Variants in THSD4 observed in about 807,000 individuals in gnomAD.
The protein encoded by THSD4 is thrombospondin type 1 domain containing 4.
In THSD4, 69 loss-of-function variants were observed where a neutral mutation model predicts 119.0. That is an observed-to-expected ratio of 0.58 (90% CI 0.48 to 0.71). THSD4 has a LOEUF of 0.71. Among genes scored for constraint, THSD4 ranks in the 30% least tolerant of loss-of-function variants. The pLI is 0.00. For synonymous variants in THSD4, 524 were observed against 540.4 expected (o/e 0.97, Z 0.42); for missense variants, 1,393 against 1,391.1 (o/e 1.00, Z -0.02).
chr15:71,397,134 G>T (rs1207351842), intron 6 of THSD4, among the ~76,000 whole-genome samples: 2 of 152,180 alleles, frequency 1.3e-5, no homozygotes, highest in Non-Finnish European at 2.9e-5. Context: ...GTATCAGCTT[G>T]TGCTTTCTAC....
intron 7 of THSD4, among the ~76,000 whole-genome samples, chr15:71,573,585 G>A (rs922342746): frequency 6.6e-6 from 1 of 152,098 alleles, no homozygotes; most frequent in Non-Finnish European, 1.5e-5. Context: ...TGTGAAATAA[G>A]TTAAACACCA....
intron 3 of THSD4, among the ~76,000 whole-genome samples, chr15:71,180,312 A>T (rs540414733): frequency 1.3e-5 from 2 of 152,314 alleles, no homozygotes; most frequent in East Asian, 3.9e-4. Flanking sequence ...GAAGCAGACA[A>T]CATGATTCAT....
At chr15:71,555,102 C>G (rs2048998216) in intron 7 of THSD4, among the ~76,000 whole-genome samples, 1 of 152,130 alleles carries the variant, frequency 6.6e-6, no homozygotes, top group Non-Finnish European at 1.5e-5. Context: ...CTATTTGGGC[C>G]AGGTGCAGTG....
chr15:71,434,582 A>G (rs2046986408), intron 7 of THSD4, among the ~76,000 whole-genome samples: 1 of 151,930 alleles, frequency 6.6e-6, no homozygotes, highest in Non-Finnish European at 1.5e-5. Flanking sequence ...TAGAGGAGAT[A>G]GTTTAGCGTG....
intron 7 of THSD4, among the ~76,000 whole-genome samples, chr15:71,445,500 A>G (rs1333503989): frequency 6.6e-6 from 1 of 152,222 alleles, no homozygotes; most frequent in Admixed American, 6.5e-5. Flanking sequence ...ATCATACCAT[A>G]TGTTCATTCT....
At chr15:71,224,567 C>A (rs1228702854) in intron 4 of THSD4, among the ~76,000 whole-genome samples, 3 of 152,296 alleles carry the variant, frequency 2.0e-5, no homozygotes, top group African/African-American at 7.2e-5. Flanking sequence ...TTGGAAAACT[C>A]ACTACACACT....
chr15:71,737,813 A>G lies in THSD4; in HGVS notation c.1712A>G (p.Glu571Gly). The G allele has an allele frequency of 6.2e-7, 1 of 1,614,228 alleles. No individual in the cohort carries two copies. Among genetic ancestry groups the G allele is most frequent in the Non-Finnish European group, 8.5e-7 (1 of 1,180,036 alleles). ...CAGAAAGGGAGGAACGAGGAGAAGG[A>G]AGACTTGCGTGGGGAGGCCCCTGAG... ...GEQKGRNEEK[E>G]DLRGEAPEMF... The change falls in exon 11 of 18, where the codon GAA becomes GGA. Residue 571 changes from glutamate (E) to glycine (G), a missense_variant. Physicochemically the swap from Glu to Gly is moderately conservative, Grantham distance 98. Coordinates refer to ENST00000261862, the MANE Select transcript of THSD4 (RefSeq NM_024817.3).
chr15:71,324,884 A>G (rs951169310), intron 6 of THSD4, among the ~76,000 whole-genome samples: 7 of 152,184 alleles, frequency 4.6e-5, no homozygotes, highest in Admixed American at 2.0e-4. Flanking sequence ...AGAAATCTCC[A>G]GACTGTTTCC....
At chr15:71,711,400 G>T (rs1042978290) in intron 8 of THSD4, among the ~76,000 whole-genome samples, 4 of 151,834 alleles carry the variant, frequency 2.6e-5, no homozygotes, top group African/African-American at 9.7e-5. Flanking sequence ...GACAAATTAG[G>T]TTTGTATGTT....
At chr15:71,609,335 G>A (rs1479521389) in intron 7 of THSD4, among the ~76,000 whole-genome samples, 2 of 152,184 alleles carry the variant, frequency 1.3e-5, no homozygotes, top group Non-Finnish European at 2.9e-5. Flanking sequence ...ATTTCACTAG[G>A]AGTAAAGTCA....
chr15:71,461,603 TG>T (rs1377440293), intron 7 of THSD4, among the ~76,000 whole-genome samples: 9 of 152,230 alleles, frequency 5.9e-5, no homozygotes, highest in Admixed American at 5.9e-4. Context: ...GTATTAAATA[TG>T]GCTACCAAAC....
At chr15:71,500,769 G>T (rs961694338) in intron 7 of THSD4, among the ~76,000 whole-genome samples, 4 of 152,134 alleles carry the variant, frequency 2.6e-5, no homozygotes, top group African/African-American at 9.7e-5. Flanking sequence ...GCACCCTTGT[G>T]GAAGATCATT....
At chr15:71,636,215 C>T (rs1012260389) in intron 7 of THSD4, among the ~76,000 whole-genome samples, 1 of 152,120 alleles carries the variant, frequency 6.6e-6, no homozygotes, top group African/African-American at 2.4e-5. Context: ...TGGGGTCAGG[C>T]GTTGGAGACC....
At chr15:71,192,115 G>T (rs2043677168) in intron 3 of THSD4, among the ~76,000 whole-genome samples, 1 of 151,858 alleles carries the variant, frequency 6.6e-6, no homozygotes, top group South Asian at 2.1e-4. Flanking sequence ...TGTTGGACAG[G>T]CTAGTCTTGA....
At chr15:71,172,915 T>C (rs1191425914) in intron 3 of THSD4, among the ~76,000 whole-genome samples, 4 of 151,236 alleles carry the variant, frequency 2.6e-5, no homozygotes, top group Non-Finnish European at 3.0e-5. Context: ...ATAAAGACCA[T>C]ATAAGAAAAA....
At chr15:71,455,614 A>T (rs1433896505) in intron 7 of THSD4, among the ~76,000 whole-genome samples, 1 of 152,184 alleles carries the variant, frequency 6.6e-6, no homozygotes, top group Non-Finnish European at 1.5e-5. Flanking sequence ...TTGGGCTGTA[A>T]TAAAATGCTG....
upstream of THSD4, chr15:71,111,179 G>A (rs777251641): frequency 6.2e-7 from 1 of 1,612,424 alleles, no homozygotes; most frequent in South Asian, 1.1e-5. Context: ...TGTGGGGTGA[G>A]AAAGAGGATG....
In THSD4 at chr15:71,574,730, G is replaced by A. The variant is rs111766395; in HGVS notation, c.1153-85800G>A. Among the ~76,000 whole-genome samples the A allele has an allele frequency of 7.4e-3, 1,131 of 152,214 alleles. 20 individuals carry two copies. The highest frequency in any genetic ancestry group is 0.024 in the African/African-American group (985 of 41,532). ...GTGATACAAGACCTCTAAACATGAG[G>A]TCTTATATCTCATACATGACCGTGA... On this transcript the variant is annotated intron_variant, in intron 7 of 17. Coordinates refer to ENST00000261862, the MANE Select transcript of THSD4 (RefSeq NM_024817.3).
intron 6 of THSD4, among the ~76,000 whole-genome samples, chr15:71,393,921 G>A (rs2046410723): frequency 6.6e-6 from 1 of 152,166 alleles, no homozygotes; most frequent in South Asian, 2.1e-4. Flanking sequence ...CAATCACTAA[G>A]ATGGAATGAT....
Sources: gnomAD v4.1 joint callset for allele counts (sites outside exome capture counted in the v4.1 genomes callset) on GRCh38, gnomAD v4.1.1 for gene constraint, MANE v1.5 for transcripts, NCBI Gene and HGNC (gene_info 2026-07-23, HGNC 2026-07-21) for gene names.